MRPL1: variants seen among roughly 807,000 people sequenced by gnomAD.
The protein encoded by MRPL1 is large ribosomal subunit protein uL1m.
In MRPL1, 28 loss-of-function variants were observed where a neutral mutation model predicts 38.0. The ratio of observed to expected loss-of-function variants is 0.74; its 90% CI spans 0.55 to 1.01. The LOEUF (loss-of-function observed/expected upper bound fraction) is 1.01. Ranked by LOEUF, MRPL1 falls within the 50% of genes least tolerant of loss-of-function variation. The pLI, the probability that MRPL1 is intolerant of heterozygous loss-of-function variation, is 0.00. For missense variants in MRPL1, 358 were observed against 389.8 expected, an observed-to-expected ratio of 0.92 and a Z score of 0.69; for synonymous variants, 123 against 126.7, an observed-to-expected ratio of 0.97 and a Z score of 0.20.
At chr4:77,920,517 C>T (rs902579191) in intron 7 of MRPL1, among the ~76,000 whole-genome samples, 6 of 152,078 alleles carry the variant, frequency 3.9e-5, no homozygotes, top group African/African-American at 9.7e-5. Flanking sequence ...TTCATACAGC[C>T]GTAGCTCTAG....
At chr4:77,862,936 C>T in intron 1 of MRPL1, 57 bp downstream of exon 1, 2 of 1,603,998 alleles carry the variant, frequency 1.2e-6, no homozygotes, top group Non-Finnish European at 1.7e-6. Flanking sequence ...TCTCTGGTTG[C>T]AGCAGAGTGC....
Position 77,906,933 on chromosome 4 carries a change from A to C in MRPL1, c.671-2333A>C, listed in dbSNP as rs963124975. Reference sequence around the variant, plus strand: ...GTAATTATTCATTTGTATATCCATTATCTCCCAATTAGATTTTAAACTGCC... The same window carrying C: ...GTAATTATTCATTTGTATATCCATTCTCTCCCAATTAGATTTTAAACTGCC... On this transcript the variant is annotated intron_variant, in intron 6 of 8. Transcript: ENST00000315567. 6.1e-6 allele frequency: 6 copies of C among 981,610 alleles called. No individual in the cohort carries two copies. The African/African-American group carries it at 1.0e-4, about 17-fold the overall frequency. The allele number at this position is 981,610 out of a possible 1,614,324, so 60.8% of individuals were successfully genotyped here.
intron 5 of MRPL1, among the ~76,000 whole-genome samples, chr4:77,890,698 CTGTT>C: frequency 6.6e-6 from 1 of 152,310 alleles, no homozygotes; most frequent in South Asian, 2.1e-4. Context: ...CAAATTGTCT[CTGTT>C]TGCAGATGAC....
intron 2 of MRPL1, among the ~76,000 whole-genome samples, chr4:77,878,938 G>A (rs1253910208): frequency 6.6e-6 from 1 of 152,096 alleles, no homozygotes; most frequent in Non-Finnish European, 1.5e-5. Flanking sequence ...TTTGGAGTTG[G>A]GAGACAGATG....
At chr4:77,913,129 T>C (rs1322078344) in intron 7 of MRPL1, among the ~76,000 whole-genome samples, 1 of 152,040 alleles carries the variant, frequency 6.6e-6, no homozygotes, top group Non-Finnish European at 1.5e-5. Context: ...GTTTCTTAGA[T>C]AAGACATGAA....
intron 7 of MRPL1, among the ~76,000 whole-genome samples, chr4:77,936,967 T>C (rs1183920423): frequency 6.6e-6 from 1 of 151,924 alleles, no homozygotes; most frequent in East Asian, 1.9e-4. Context: ...TCTATAAAAA[T>C]TTTAAAAATT....
chr4:77,914,996 C>T (rs1736387129), intron 7 of MRPL1, among the ~76,000 whole-genome samples: 2 of 152,092 alleles, frequency 1.3e-5, no homozygotes, highest in African/African-American at 4.8e-5. Context: ...CTGGATATGG[C>T]CTGCAAAGCC....
intron 7 of MRPL1, among the ~76,000 whole-genome samples, chr4:77,938,893 A>T (rs1343339051): frequency 6.6e-6 from 1 of 152,176 alleles, no homozygotes; most frequent in Non-Finnish European, 1.5e-5. Flanking sequence ...ACAATGAGCT[A>T]CCTCATGGTC....
In MRPL1 at chr4:77,894,063, TGAC is replaced by T. The variant is rs1265755580; in HGVS notation, c.559-75_559-73del. ...TCTGTTTTCTGAATTATAAAGGAAA[TGAC>T]TACATTGTACTTTTTCAGAACGATA... On this transcript the variant is annotated intron_variant, in intron 5 of 8. Coordinates refer to ENST00000315567, the MANE Select transcript of MRPL1 (RefSeq NM_020236.4). 2.7e-5 allele frequency: 22 copies of T among 806,300 alleles called. No homozygotes were observed. The East Asian group carries it at 5.4e-4, about 20-fold the overall frequency. 49.9% of individuals were successfully genotyped at this position (806,300 alleles called of 1,614,324 possible).
At chr4:77,913,545 G>C (rs1239214677) in intron 7 of MRPL1, among the ~76,000 whole-genome samples, 2 of 152,110 alleles carry the variant, frequency 1.3e-5, no homozygotes, top group East Asian at 3.8e-4. Flanking sequence ...AGCGTTTGTG[G>C]GTATGTTAAA....
chr4:77,924,545 C>A (rs1736664069), intron 7 of MRPL1, among the ~76,000 whole-genome samples: 5 of 152,184 alleles, frequency 3.3e-5, no homozygotes, highest in Admixed American at 2.0e-4. Flanking sequence ...GACCCCTTCT[C>A]ACAAAGCAGT....
chr4:77,909,315 A>T lies in MRPL1; in HGVS notation c.720A>T (p.Gly240=). The change falls in exon 7 of 9, where the codon GGA becomes GGT. Residue 240 remains glycine, a synonymous_variant. Coordinates refer to ENST00000315567, the MANE Select transcript of MRPL1 (RefSeq NM_020236.4). ...AAATGCTTGAATTATTTAAAAATGG[A>T]CATGAAATTAAGGTAGATGAAGAAA... ...IPKMLELFKN[G]HEIKVDEERE... is the part of the protein sequence containing the mutation. 6.2e-7 allele frequency: 1 copy of T among 1,612,128 alleles called. No homozygotes were observed. Among genetic ancestry groups the T allele is most frequent in the Non-Finnish European group, 8.5e-7 (1 of 1,179,248 alleles).
At chr4:77,889,152 C>T (rs1176636488) in intron 5 of MRPL1, among the ~76,000 whole-genome samples, 1 of 152,352 alleles carries the variant, frequency 6.6e-6, no homozygotes, top group Non-Finnish European at 1.5e-5. Context: ...CTACAGAACT[C>T]TCCACCCCAA....
intron 6 of MRPL1, among the ~76,000 whole-genome samples, chr4:77,895,798 G>A (rs1735899426): frequency 6.6e-6 from 1 of 152,050 alleles, no homozygotes; most frequent in South Asian, 2.1e-4. Flanking sequence ...TTGAACTGGT[G>A]TCTGGCACTT....
intron 7 of MRPL1, among the ~76,000 whole-genome samples, chr4:77,936,648 CAG>C (rs1456821309): frequency 6.6e-6 from 1 of 152,210 alleles, no homozygotes; most frequent in African/African-American, 2.4e-5. Flanking sequence ...AGAATTGTGA[CAG>C]AGGCCATTTG....
chr4:77,894,846 G>A (rs1429936204), intron 6 of MRPL1, among the ~76,000 whole-genome samples: 2 of 152,068 alleles, frequency 1.3e-5, no homozygotes, highest in African/African-American at 4.8e-5. Context: ...TCATAAAAGA[G>A]GTAACATTTA....
intron 2 of MRPL1, among the ~76,000 whole-genome samples, chr4:77,877,332 G>T (rs1327577866): frequency 6.6e-6 from 1 of 152,118 alleles, no homozygotes; most frequent in African/African-American, 2.4e-5. Flanking sequence ...AGTCAATCTT[G>T]TCAGGAGTTG....
chr4:77,907,028 A>G, intron 6 of MRPL1: 1 of 985,398 alleles, frequency 1.0e-6, no homozygotes, highest in African/African-American at 1.7e-5. Context: ...AGATAATCCT[A>G]GGAATAATGT....
intron 7 of MRPL1, among the ~76,000 whole-genome samples, chr4:77,915,863 T>C (rs1229098831): frequency 6.6e-6 from 1 of 152,220 alleles, no homozygotes; most frequent in Non-Finnish European, 1.5e-5. Context: ...AAACAAGTTA[T>C]TGGAATATGT....
Sources: gnomAD v4.1 joint callset for allele counts (sites outside exome capture counted in the v4.1 genomes callset) on GRCh38, gnomAD v4.1.1 for gene constraint, MANE v1.5 for transcripts, NCBI Gene and HGNC (gene_info 2026-07-23, HGNC 2026-07-21) for gene names.